Variants in FRAS1 observed in about 807,000 individuals in gnomAD.
FRAS1 encodes the protein extracellular matrix organizing protein FRAS1.
In FRAS1, 290 loss-of-function variants were observed where a neutral mutation model predicts 435.2. The observed-to-expected ratio is 0.67, with a 90% confidence interval of 0.61 to 0.73. The LOEUF (loss-of-function observed/expected upper bound fraction) is 0.73, where lower values mean the gene tolerates loss of function less well. Ranked by LOEUF, FRAS1 falls within the 30% of genes least tolerant of loss-of-function variation. The probability of loss-of-function intolerance (pLI) is 0.00; values close to 1 mark genes in which losing one functional copy is unlikely to be tolerated. For synonymous variants in FRAS1, 1,800 were observed against 1,851.0 expected (o/e 0.97, Z 0.71); for missense variants, 4,860 against 5,001.5 (o/e 0.97, Z 0.85).
intron 59 of FRAS1, among the ~76,000 whole-genome samples, chr4:78,493,383 A>G (rs1332289243): frequency 1.3e-5 from 2 of 152,264 alleles, no homozygotes; most frequent in Admixed American, 6.5e-5. Context: ...TATTCACAAT[A>G]GCAAAGACTT....
intron 2 of FRAS1, among the ~76,000 whole-genome samples, chr4:78,235,271 T>C (rs1724702275): frequency 6.6e-6 from 1 of 152,212 alleles, no homozygotes; most frequent in Admixed American, 6.5e-5. Flanking sequence ...GTGGGCACCA[T>C]AGCCTAGCTA....
chr4:78,503,708 A>G (rs998124062), intron 61 of FRAS1, among the ~76,000 whole-genome samples: 2 of 151,890 alleles, frequency 1.3e-5, no homozygotes, highest in African/African-American at 2.4e-5. Context: ...TTGTGTCTCT[A>G]TCTCCTCCAG....
At chr4:78,225,372 A>T (rs1724224937) in intron 2 of FRAS1, among the ~76,000 whole-genome samples, 1 of 152,154 alleles carries the variant, frequency 6.6e-6, no homozygotes, top group Non-Finnish European at 1.5e-5. Context: ...CATGTGGGCT[A>T]ATCTCTAAGT....
At chr4:78,316,136 G>A (rs557136382) in intron 16 of FRAS1, among the ~76,000 whole-genome samples, 1 of 152,296 alleles carries the variant, frequency 6.6e-6, no homozygotes, top group African/African-American at 2.4e-5. Context: ...GTTAAACCAA[G>A]TTTGATAGCT....
At chr4:78,093,027 C>T (rs993356494) in intron 2 of FRAS1, among the ~76,000 whole-genome samples, 2 of 152,114 alleles carry the variant, frequency 1.3e-5, no homozygotes, top group Non-Finnish European at 2.9e-5. Flanking sequence ...GCTGGGTGTC[C>T]ACCAAGGATC....
At chr4:78,092,087 C>G (rs772758547) in intron 2 of FRAS1, among the ~76,000 whole-genome samples, 15 of 151,260 alleles carry the variant, frequency 9.9e-5, no homozygotes, top group African/African-American at 3.6e-4. Context: ...GGTTCTGGAG[C>G]TATAGACTCT....
intron 3 of FRAS1, 72 bp downstream of exon 3, chr4:78,237,689 G>T (rs10011303): frequency 0.29 from 211,915 of 723,324 alleles, 32,790 homozygotes; most frequent in South Asian, 0.52. Context: ...GATCATTTCA[G>T]ACATCTGTTT....
intron 59 of FRAS1, among the ~76,000 whole-genome samples, chr4:78,495,788 A>G (rs187810663): frequency 4.1e-4 from 62 of 152,300 alleles, no homozygotes; most frequent in African/African-American, 1.4e-3. Context: ...CTTGCTAAGC[A>G]TATGCTTTGA....
In FRAS1 at chr4:78,534,508, T is replaced by C; in HGVS notation, c.10985T>C (p.Leu3662Pro). The change falls in exon 71 of 74, where the codon CTT becomes CCT. Residue 3662 changes from leucine to proline, a missense_variant. Coordinates refer to ENST00000512123, the MANE Select transcript of FRAS1 (RefSeq NM_025074.7). ...CGCCCTGTGCCAGTTGTGTATTCAC[T>C]TAACACTGAATTTCAGCTCTGCAAT... is the stretch of plus-strand genomic sequence containing the variant. ...TNRPVPVVYS[L>P]NTEFQLCNNE... 1 of 1,613,820 alleles carries C rather than the reference T, an allele frequency of 6.2e-7. No individual in the cohort carries two copies. Among genetic ancestry groups the C allele is most frequent in the Non-Finnish European group, 8.5e-7 (1 of 1,179,740 alleles).
chr4:78,102,361 C>T (rs906328483), intron 2 of FRAS1, among the ~76,000 whole-genome samples: 18 of 152,108 alleles, frequency 1.2e-4, no homozygotes, highest in Non-Finnish European at 2.2e-4. Flanking sequence ...AGGTTGTAAC[C>T]GGAGAGCACT....
chr4:78,424,392 C>T lies in FRAS1; in HGVS notation c.4683C>T (p.Leu1561=). 1 of 1,466,610 alleles carries T rather than the reference C, an allele frequency of 6.8e-7. No homozygotes were observed. Among genetic ancestry groups the T allele is most frequent in the African/African-American group, 1.4e-5 (1 of 69,718 alleles). 90.8% of individuals were successfully genotyped at this position (1,466,610 alleles called of 1,614,324 possible). A position where few individuals can be genotyped will look rare whatever the true frequency, so the allele number is the denominator to read the frequency against. Residue 1561 remains leucine (L), a synonymous_variant, in exon 35 of 74, where the codon CTC becomes CTT. Transcript: ENST00000512123. ...QELMAFSFAG[L]PESVKFHFTV... is the part of the protein sequence containing the mutation. ...TTGTCTCTCTTACTCTTTTAGGTCT[C>T]CCAGAATCAGTGAAATTCCACTTCA... is the stretch of plus-strand genomic sequence containing the variant.
intron 15 of FRAS1, among the ~76,000 whole-genome samples, chr4:78,315,268 A>T (rs945182013): frequency 4.6e-5 from 7 of 152,332 alleles, no homozygotes; most frequent in African/African-American, 1.4e-4. Context: ...GGAGCATCTG[A>T]TATTTTTATT....
At chr4:78,099,109 G>A (rs538840767) in intron 2 of FRAS1, among the ~76,000 whole-genome samples, 1 of 152,280 alleles carries the variant, frequency 6.6e-6, no homozygotes, top group Non-Finnish European at 1.5e-5. Context: ...GGGCTCCCCT[G>A]GTATTGCAAA....
chr4:78,166,556 GAA>G (rs756280637), intron 2 of FRAS1, among the ~76,000 whole-genome samples: 3 of 152,122 alleles, frequency 2.0e-5, no homozygotes, highest in Non-Finnish European at 4.4e-5. Context: ...GCTTAGGAGA[GAA>G]ATTGTATCTT....
chr4:78,377,200 A>T (rs1317766233), intron 26 of FRAS1, among the ~76,000 whole-genome samples: 1 of 152,178 alleles, frequency 6.6e-6, no homozygotes, highest in African/African-American at 2.4e-5. Context: ...CGTCAAAAAC[A>T]TGAGGCATTT....
rs962267269 is a variant in FRAS1 at position 78,445,727 on chromosome 4, A to G, written c.5856+15A>G. On this transcript the variant is annotated intron_variant, in intron 42 of 73. Transcript: ENST00000512123. ...TCACCATTGAGGTAAAGACTTTGGA[A>G]GTTGGAAAGGTTGAGCCCTTGACCA... The G allele has an allele frequency of 6.2e-7, 1 of 1,613,756 alleles. No homozygotes were observed. Among genetic ancestry groups the G allele is most frequent in the Non-Finnish European group, 8.5e-7 (1 of 1,179,734 alleles).
intron 2 of FRAS1, among the ~76,000 whole-genome samples, chr4:78,123,359 G>A (rs187475892): frequency 3.9e-5 from 6 of 152,194 alleles, no homozygotes; most frequent in Non-Finnish European, 8.8e-5. Flanking sequence ...TACCAGTACC[G>A]TGCTGTTTCG....
chr4:78,265,498 T>G (rs1241179517), intron 7 of FRAS1, among the ~76,000 whole-genome samples: 2 of 152,118 alleles, frequency 1.3e-5, no homozygotes, highest in Non-Finnish European at 2.9e-5. Flanking sequence ...CTCACACCCC[T>G]GCCATCTTAC....
intron 22 of FRAS1, among the ~76,000 whole-genome samples, chr4:78,367,246 A>G (rs1731306780): frequency 6.6e-6 from 1 of 152,052 alleles, no homozygotes; most frequent in Non-Finnish European, 1.5e-5. Context: ...CTCTAGAAAA[A>G]ATTAAAAAAT....
Sources: gnomAD v4.1 joint callset for allele counts (sites outside exome capture counted in the v4.1 genomes callset) on GRCh38, gnomAD v4.1.1 for gene constraint, MANE v1.5 for transcripts, NCBI Gene and HGNC (gene_info 2026-07-23, HGNC 2026-07-21) for gene names.